Variants in GABBR2 observed in about 807,000 individuals in gnomAD.
GABBR2 encodes G-protein coupled receptor 51.
A neutral mutation model predicts 105.6 loss-of-function variants in GABBR2; 23 were observed. That is an observed-to-expected ratio of 0.22 (90% CI 0.16 to 0.31). The LOEUF (loss-of-function observed/expected upper bound fraction) is 0.31. GABBR2 is among the 10% of genes least tolerant of loss of function. GABBR2 has a pLI of 1.00. For synonymous variants in GABBR2, 478 were observed against 499.7 expected, an observed-to-expected ratio of 0.96 and a Z score of 0.58; for missense variants, 734 against 1,245.5, an observed-to-expected ratio of 0.59 and a Z score of 6.18.
intron 1 of GABBR2, among the ~76,000 whole-genome samples, chr9:98,642,209 C>T (rs1829973626): frequency 6.6e-6 from 1 of 152,198 alleles, no homozygotes; most frequent in African/African-American, 2.4e-5. Flanking sequence ...GCCTCCCCCT[C>T]CTCCCAGAGA....
intron 4 of GABBR2, among the ~76,000 whole-genome samples, chr9:98,484,183 C>G (rs186636197): frequency 2.0e-3 from 305 of 152,254 alleles, no homozygotes; most frequent in Non-Finnish European, 2.5e-3. Context: ...AGTTAAATAA[C>G]CAGCTCTGCC....
At chr9:98,615,919 A>C (rs1267955153) in intron 1 of GABBR2, among the ~76,000 whole-genome samples, 1 of 152,218 alleles carries the variant, frequency 6.6e-6, no homozygotes. Flanking sequence ...GAGCTTGTGC[A>C]AGTTTGCACC....
intron 4 of GABBR2, among the ~76,000 whole-genome samples, chr9:98,488,368 A>G (rs549634150): frequency 3.9e-5 from 6 of 152,304 alleles, no homozygotes; most frequent in Admixed American, 3.3e-4. Context: ...TTTTCTGGTC[A>G]AAGCTGTCCC....
chr9:98,623,228 C>T (rs1246849627), intron 1 of GABBR2, among the ~76,000 whole-genome samples: 1 of 152,152 alleles, frequency 6.6e-6, no homozygotes, highest in African/African-American at 2.4e-5. Context: ...AGTTCAAGAC[C>T]AGCCTGGGCA....
intron 7 of GABBR2, among the ~76,000 whole-genome samples, chr9:98,424,896 G>A (rs1372688442): frequency 6.6e-6 from 1 of 151,958 alleles, no homozygotes; most frequent in Non-Finnish European, 1.5e-5. Context: ...TCGTGAAAAT[G>A]GCCATACTGC....
At chr9:98,653,214 G>A (rs1254921309) in intron 1 of GABBR2, among the ~76,000 whole-genome samples, 1 of 152,042 alleles carries the variant, frequency 6.6e-6, no homozygotes, top group African/African-American at 2.4e-5. Context: ...ACCTAGGCTG[G>A]CCTCAAACCC....
intron 13 of GABBR2, among the ~76,000 whole-genome samples, chr9:98,350,128 C>T (rs1831371108): frequency 6.7e-6 from 1 of 149,646 alleles, no homozygotes. Flanking sequence ...TTATTTTCAT[C>T]TTTTTTTTCT....
chr9:98,427,315 C>T (rs1364861667), intron 7 of GABBR2, among the ~76,000 whole-genome samples: 1 of 152,214 alleles, frequency 6.6e-6, no homozygotes, highest in East Asian at 1.9e-4. Context: ...TTCCCATTTA[C>T]TATGGCTCTT....
rs1040506942 is a variant in GABBR2 at position 98,425,583 on chromosome 9, T to C, written c.1237-19442A>G. On this transcript the variant is annotated intron_variant, in intron 7 of 18. Coordinates refer to ENST00000259455, the MANE Select transcript of GABBR2 (RefSeq NM_005458.8). ...TCCTACTGCAAGGCCAAGTGCCTAA[T>C]TGGTCTCCACTGGTGTTCAAAGGCT... Among the ~76,000 whole-genome samples, 17 of 152,180 alleles carry C rather than the reference T, an allele frequency of 1.1e-4. No homozygotes were observed. The South Asian group carries it at 1.7e-3, about 15-fold the overall frequency.
intron 3 of GABBR2, among the ~76,000 whole-genome samples, chr9:98,539,745 G>A (rs942032987): frequency 2.2e-4 from 33 of 151,944 alleles, no homozygotes; most frequent in African/African-American, 7.7e-4. Flanking sequence ...GTGAAACCCC[G>A]TCTCTACTAA....
chr9:98,561,456 A>T (rs1172158969), intron 2 of GABBR2, among the ~76,000 whole-genome samples: 1 of 152,192 alleles, frequency 6.6e-6, no homozygotes, highest in East Asian at 1.9e-4. Context: ...AGACTAAGGC[A>T]GGTAAAATAT....
intron 3 of GABBR2, among the ~76,000 whole-genome samples, chr9:98,501,470 CTA>C (rs1445063764): frequency 1.3e-5 from 2 of 152,176 alleles, no homozygotes; most frequent in Admixed American, 1.3e-4. Flanking sequence ...TGGCCAGGAA[CTA>C]TTTTTAAAAC....
chr9:98,356,116 A>C (rs1239541072), intron 13 of GABBR2, among the ~76,000 whole-genome samples: 4 of 152,238 alleles, frequency 2.6e-5, no homozygotes, highest in Non-Finnish European at 4.4e-5. Flanking sequence ...AAAAAAATCA[A>C]GGTAACTTTG....
chr9:98,312,763 C>CT (rs1009589715), intron 13 of GABBR2, among the ~76,000 whole-genome samples: 10 of 151,960 alleles, frequency 6.6e-5, no homozygotes, highest in Admixed American at 6.6e-5. Flanking sequence ...CAGTATGTTC[C>CT]TTTTTTTTGA....
At chr9:98,483,933 G>C (rs894154412) in intron 4 of GABBR2, among the ~76,000 whole-genome samples, 2 of 152,192 alleles carry the variant, frequency 1.3e-5, no homozygotes, top group Admixed American at 1.3e-4. Flanking sequence ...TCCCAGAACA[G>C]GGCGCTACAC....
chr9:98,361,574 A>G (rs1160015985), intron 13 of GABBR2, among the ~76,000 whole-genome samples: 3 of 152,124 alleles, frequency 2.0e-5, no homozygotes, highest in Non-Finnish European at 4.4e-5. Context: ...TCTGTTGCCT[A>G]CCTTGCAGGG....
At chr9:98,563,416 G>A (rs918995034) in intron 2 of GABBR2, among the ~76,000 whole-genome samples, 9 of 152,280 alleles carry the variant, frequency 5.9e-5, no homozygotes, top group South Asian at 2.1e-4. Flanking sequence ...TACCGGTTAC[G>A]GACGCATCCA....
chr9:98,552,543 C>T (rs1828507931), intron 2 of GABBR2, among the ~76,000 whole-genome samples: 1 of 152,084 alleles, frequency 6.6e-6, no homozygotes, highest in Non-Finnish European at 1.5e-5. Context: ...GTGCTCAAGC[C>T]CTGGTGAAAA....
At chr9:98,555,856 C>G (rs551962966) in intron 2 of GABBR2, 3 of 152,480 alleles carry the variant, frequency 2.0e-5, no homozygotes, top group Non-Finnish European at 4.4e-5. Context: ...TCCAGGGAGC[C>G]TTCCCTGCTC....
Sources: gnomAD v4.1 joint callset for allele counts (sites outside exome capture counted in the v4.1 genomes callset) on GRCh38, gnomAD v4.1.1 for gene constraint, MANE v1.5 for transcripts, NCBI Gene and HGNC (gene_info 2026-07-23, HGNC 2026-07-21) for gene names.